STK25: variants seen among roughly 807,000 people sequenced by gnomAD.
STK25 encodes serine/threonine-protein kinase 25.
Under a neutral mutation model 53.8 loss-of-function variants are expected in STK25, and 29 were observed. That is an observed-to-expected ratio of 0.54 (90% CI 0.40 to 0.74). STK25 has a LOEUF of 0.74. STK25 is among the 30% of genes least tolerant of loss of function. The probability of loss-of-function intolerance (pLI) is 0.00; values close to 1 mark genes in which losing one functional copy is unlikely to be tolerated. For synonymous variants in STK25, 247 were observed against 238.3 expected (o/e 1.04, Z -0.33); for missense variants, 420 against 568.0 (o/e 0.74, Z 2.65).
At position 241,497,628 on chromosome 2, in the gene STK25, G is replaced by C. The variant is rs138142416; in HGVS notation, c.1092C>G (p.Pro364=). 8 of 1,613,464 alleles carry C rather than the reference G, an allele frequency of 5.0e-6. 1 individual carries two copies. The Admixed American group carries it at 1.3e-4, about 27-fold the overall frequency. The change falls in exon 10 of 12, where the codon CCC becomes CCG. Residue 364 remains proline (P), a synonymous_variant. Coordinates refer to ENST00000316586, the MANE Select transcript of STK25 (RefSeq NM_001271977.2). ...RSQCLSTLVR[P]VFGELKEKHK... ...GCCCCATCCTCACCTCTCCGAAGAC[G>C]GGCCGGACCAGCGTGGACAGGCACT...
At chr2:241,503,635 C>T (rs1325341708) in intron 2 of STK25, among the ~76,000 whole-genome samples, 4 of 149,942 alleles carry the variant, frequency 2.7e-5, no homozygotes, top group Non-Finnish European at 5.9e-5. Flanking sequence ...ATATCATGAA[C>T]CCAGGAGGCG....
At chr2:241,506,265 A>T (rs1248468586) in intron 2 of STK25, among the ~76,000 whole-genome samples, 1 of 152,228 alleles carries the variant, frequency 6.6e-6, no homozygotes, top group Non-Finnish European at 1.5e-5. Flanking sequence ...CACTATATGA[A>T]GTCAAGTCTC....
Position 241,500,163 on chromosome 2 carries a change from C to G in STK25, c.427+10G>C. 1 of 1,611,402 alleles carries G rather than the reference C, an allele frequency of 6.2e-7. No individual in the cohort carries two copies. Among genetic ancestry groups the G allele is most frequent in the Non-Finnish European group, 8.5e-7 (1 of 1,177,640 alleles). The stretch of plus-strand genomic sequence containing the variant: ...GACGTTACAAGAGCCACATCCACCC[C>G]CAGCAGGACCTTTGATGTCTCGGTG... On this transcript the variant is annotated intron_variant, in intron 5 of 11. Transcript: ENST00000316586.
chr2:241,500,928 G>A lies in STK25; in HGVS notation c.262-132C>T, dbSNP rs1476344604. 3.7e-6 allele frequency: 3 copies of A among 811,082 alleles called. No individual in the cohort carries two copies. In the African/African-American group the frequency reaches 5.2e-5, roughly 14 times the overall value. 50.2% of individuals were successfully genotyped at this position (811,082 alleles called of 1,614,324 possible). Reference sequence around the variant, plus strand: ...CATCCCTGCCAAGAACCCTGAACAGGAAAGGGCTCTCTCGGCCTTGCCCAT... The same window carrying A: ...CATCCCTGCCAAGAACCCTGAACAGAAAAGGGCTCTCTCGGCCTTGCCCAT... On this transcript the variant is annotated intron_variant, in intron 3 of 11. Coordinates refer to ENST00000316586, the MANE Select transcript of STK25 (RefSeq NM_001271977.2).
chr2:241,508,561 G>C lies in STK25; in HGVS notation c.-219C>G. ...CCTCCCAGCCCGCGAAGCAACGGTG[G>C]TGGCGGCAGCGACCGGAGAAAGCCC... On this transcript the variant is annotated 5_prime_UTR_variant, in exon 1 of 12. Transcript: ENST00000316586. 7 of 992,732 alleles carry C rather than the reference G, an allele frequency of 7.1e-6. No individual in the cohort carries two copies. The highest frequency in any genetic ancestry group is 4.3e-5 in the South Asian group (1 of 23,374). The allele number at this position is 992,732 out of a possible 1,614,324, so 61.5% of individuals were successfully genotyped here.
At position 241,494,105 on chromosome 2, in the gene STK25, G is replaced by C; in HGVS notation, c.*1557C>G. ...ACCCTCCTCAGGGCTGGAGGGGATGGTCAGGGGGAAGGAGGAATGACGCTC... is the reference window on the plus strand; with the variant it reads ...ACCCTCCTCAGGGCTGGAGGGGATGCTCAGGGGGAAGGAGGAATGACGCTC... On this transcript the variant is annotated 3_prime_UTR_variant, in exon 12 of 12. Coordinates refer to ENST00000316586, the MANE Select transcript of STK25 (RefSeq NM_001271977.2). The surrounding 1 kb of genome is among the most constrained non-coding windows in gnomAD (Gnocchi z 4.9). 1 of 1,478,524 alleles carries C rather than the reference G, an allele frequency of 6.8e-7. No individual in the cohort carries two copies. Among genetic ancestry groups the C allele is most frequent in the Non-Finnish European group, 8.9e-7 (1 of 1,123,418 alleles). 91.6% of individuals were successfully genotyped at this position (1,478,524 alleles called of 1,614,324 possible).
chr2:241,508,144 G>A lies in STK25; in HGVS notation c.-100-9C>T, dbSNP rs576779325. On this transcript the variant is annotated splice_polypyrimidine_tract_variant and intron_variant, in intron 1 of 11. Coordinates refer to ENST00000316586, the MANE Select transcript of STK25 (RefSeq NM_001271977.2). ...CCTGCGGCGTCAGTCCACTGCGAGG[G>A]ACACCAGGGGCGCTCGGTGCCCAGT... 6.8e-7 allele frequency: 1 copy of A among 1,479,154 alleles called. No homozygotes were observed. Among genetic ancestry groups the A allele is most frequent in the Non-Finnish European group, 8.9e-7 (1 of 1,117,436 alleles). 91.6% of individuals were successfully genotyped at this position (1,479,154 alleles called of 1,614,324 possible).
Position 241,499,042 on chromosome 2 carries a change from T to G in STK25, c.718A>C (p.Ser240Arg). Reference sequence around the variant, plus strand: ...TCCACGAACTCCTTGAAGGGCTTGCTGTGCTGGCCCTCCAGTGTGGGTGGG... The same window carrying G: ...TCCACGAACTCCTTGAAGGGCTTGCGGTGCTGGCCCTCCAGTGTGGGTGGG... ...NSPPTLEGQH[S>R]KPFKEFVEAC... The change falls in exon 7 of 12, where the codon AGC becomes CGC. Residue 240 changes from serine to arginine, a missense_variant. By Grantham distance (110) the Ser-to-Arg change is moderately radical. Transcript: ENST00000316586. 6.2e-7 allele frequency: 1 copy of G among 1,614,084 alleles called. No homozygotes were observed. Among genetic ancestry groups the G allele is most frequent in the Non-Finnish European group, 8.5e-7 (1 of 1,180,006 alleles).
chr2:241,493,469 G>A lies in STK25; in HGVS notation c.*2193C>T. 2.5e-6 allele frequency: 4 copies of A among 1,609,472 alleles called. No individual in the cohort carries two copies. Among genetic ancestry groups the A allele is most frequent in the Non-Finnish European group, 3.4e-6 (4 of 1,176,346 alleles). ...GGTAATTTTGCAGGAGGCAGCCCTG[G>A]TCAGCTGCCCATTTCGATGTCCGCT... On this transcript the variant is annotated 3_prime_UTR_variant, in exon 12 of 12. Transcript: ENST00000316586.
Position 241,503,695 on chromosome 2 carries a change from T to G in STK25, c.31-1987A>C, listed in dbSNP as rs1205442643. On this transcript the variant is annotated intron_variant, in intron 2 of 11. Transcript: ENST00000316586. ...CTGGGCGACAGAGCAAGACTCCGTC[T>G]CAAAAAAAAAAAAAAAAAAAAAGGC... 1.4e-4 allele frequency among the ~76,000 whole-genome samples: 8 copies of G among 56,116 alleles called. No homozygotes were observed. In the Admixed American group the frequency reaches 2.0e-3, roughly 14 times the overall value. 36.8% of individuals were successfully genotyped at this position (56,116 alleles called of 152,430 possible).
rs377499533 is a variant in STK25 at position 241,494,101 on chromosome 2, G to A, written c.*1561C>T. 1.4e-6 allele frequency: 2 copies of A among 1,475,472 alleles called. No homozygotes were observed. The highest frequency in any genetic ancestry group is 1.5e-5 in the African/African-American group (1 of 67,556). 91.4% of individuals were successfully genotyped at this position (1,475,472 alleles called of 1,614,324 possible). ...CCCAACCCTCCTCAGGGCTGGAGGG[G>A]ATGGTCAGGGGGAAGGAGGAATGAC... On this transcript the variant is annotated 3_prime_UTR_variant, in exon 12 of 12. Coordinates refer to ENST00000316586, the MANE Select transcript of STK25 (RefSeq NM_001271977.2). The surrounding 1 kb of genome is among the most constrained non-coding windows in gnomAD (Gnocchi z 4.9).
intron 5 of STK25, 119 bp downstream of exon 5, chr2:241,500,043 GGGTGGCCACAA>G (rs760304032): frequency 1.3e-6 from 1 of 755,370 alleles, no homozygotes; most frequent in Admixed American, 2.0e-5. Context: ...CTCAGTTTCA[GGGTGGCCACAA>G]GGTTCTCTAT....
At position 241,507,989 on chromosome 2, in the gene STK25, A is replaced by C. The variant is rs1192736621; in HGVS notation, c.30+17T>G. The C allele has an allele frequency of 1.9e-6, 3 of 1,595,546 alleles. No individual in the cohort carries two copies. In the Admixed American group the frequency reaches 5.2e-5, roughly 28 times the overall value. On this transcript the variant is annotated intron_variant, in intron 2 of 11. Transcript: ENST00000316586. ...CGGTGAGAGGCCGCTAGTCTTCCTG[A>C]CCTGCACCCTTCTCACCTGGTTGGC...
rs918086539 is a variant in STK25 at position 241,495,564 on chromosome 2, C to A, written c.*98G>T. 5.0e-6 allele frequency: 7 copies of A among 1,393,378 alleles called. No individual in the cohort carries two copies. Among genetic ancestry groups the A allele is most frequent in the Non-Finnish European group, 6.1e-6 (6 of 983,154 alleles). 86.3% of individuals were successfully genotyped at this position (1,393,378 alleles called of 1,614,324 possible). On this transcript the variant is annotated 3_prime_UTR_variant, in exon 12 of 12. Coordinates refer to ENST00000316586, the MANE Select transcript of STK25 (RefSeq NM_001271977.2). ...GGGATCCGACGTGTCCCTGCAGGCA[C>A]GACATAGCACAGGGCACCTTCCAAG...
intron 2 of STK25, among the ~76,000 whole-genome samples, chr2:241,506,774 AT>A (rs1285129290): frequency 9.9e-5 from 15 of 152,224 alleles, no homozygotes; most frequent in Non-Finnish European, 2.2e-4. Flanking sequence ...TCTCAAAAAA[AT>A]AAAAATAAAG....
At chr2:241,504,136 C>T (rs1264132874) in intron 2 of STK25, 1 of 470,794 alleles carries the variant, frequency 2.1e-6, no homozygotes, top group Non-Finnish European at 4.4e-6. Flanking sequence ...CCAGAGGCCA[C>T]CTAACCTTTC....
Position 241,501,975 on chromosome 2 carries a change from C to A in STK25, c.31-267G>T. 1 of 392,402 alleles carries A rather than the reference C, an allele frequency of 2.5e-6. No homozygotes were observed. Among genetic ancestry groups the A allele is most frequent in the Non-Finnish European group, 4.8e-6 (1 of 207,514 alleles). The allele number at this position is 392,402 out of a possible 1,614,324, so 24.3% of individuals were successfully genotyped here. A position where few individuals can be genotyped will look rare whatever the true frequency, so the allele number is the denominator to read the frequency against. ...TTGAGGTCAGGAGTTCGAGACCAGCCTGGCCAGCATGGTGAAACCCCATCT... is the reference window on the plus strand; with the variant it reads ...TTGAGGTCAGGAGTTCGAGACCAGCATGGCCAGCATGGTGAAACCCCATCT... On this transcript the variant is annotated intron_variant, in intron 2 of 11. Coordinates refer to ENST00000316586, the MANE Select transcript of STK25 (RefSeq NM_001271977.2). The surrounding 1 kb of genome is among the most constrained non-coding windows in gnomAD (Gnocchi z 5.3).
rs547315803 is a variant in STK25 at position 241,498,343 on chromosome 2, G to T, written c.924C>A (p.Gly308=). The T allele has an allele frequency of 1.3e-6, 2 of 1,585,758 alleles. No homozygotes were observed. Among genetic ancestry groups the T allele is most frequent in the Admixed American group, 3.4e-5 (2 of 58,586 alleles). ...GGCCCTGCTCCCCGTCCTCCGCCTC[G>T]CCATCACTGAAGAGGATGAGGAGTT... is the stretch of plus-strand genomic sequence containing the variant. ...ESSSEDSDID[G]EAEDGEQGPI... is the part of the protein sequence containing the mutation. Residue 308 remains glycine (G), a synonymous_variant, in exon 9 of 12, where the codon GGC becomes GGA. Coordinates refer to ENST00000316586, the MANE Select transcript of STK25 (RefSeq NM_001271977.2).
At chr2:241,504,291 C>T (rs956336597) in intron 2 of STK25, among the ~76,000 whole-genome samples, 9 of 152,184 alleles carry the variant, frequency 5.9e-5, no homozygotes, top group African/African-American at 2.2e-4. Context: ...TCAAAAGTGA[C>T]CTTTCTCATT....
Sources: gnomAD v4.1 joint callset for allele counts (sites outside exome capture counted in the v4.1 genomes callset) on GRCh38, gnomAD v4.1.1 for gene constraint, Gnocchi (gnomAD v3.1) non-coding constraint, MANE v1.5 for transcripts, NCBI Gene and HGNC (gene_info 2026-07-23, HGNC 2026-07-21) for gene names.